The following PLD5 variants were observed in gnomAD, a reference collection of about 807,000 sequenced individuals.
PLD5 encodes the protein phospholipase D family member 5.
Under a neutral mutation model 61.1 loss-of-function variants are expected in PLD5, and 36 were observed. The ratio of observed to expected loss-of-function variants is 0.59; its 90% CI spans 0.45 to 0.78. The LOEUF is 0.78. Among genes scored for constraint, PLD5 ranks in the 30% least tolerant of loss-of-function variants. The pLI is 0.00. For missense variants in PLD5, 515 were observed against 644.4 expected, an observed-to-expected ratio of 0.80 and a Z score of 2.17; for synonymous variants, 243 against 242.8, an observed-to-expected ratio of 1.00 and a Z score of -0.01.
chr1:242,470,738 C>T (rs1178371118), intron 1 of PLD5, among the ~76,000 whole-genome samples: 1 of 152,132 alleles, frequency 6.6e-6, no homozygotes, highest in East Asian at 1.9e-4. Context: ...AACTAGATGG[C>T]ATTCTTCTAC....
chr1:242,497,089 C>T (rs1668395424), intron 1 of PLD5, among the ~76,000 whole-genome samples: 1 of 152,196 alleles, frequency 6.6e-6, no homozygotes, highest in African/African-American at 2.4e-5. Flanking sequence ...CTGCCTACGT[C>T]TTAACTTTCA....
chr1:242,100,565 TCC>T, intron 9 of PLD5, 101 bp downstream of exon 9: 1 of 791,338 alleles, frequency 1.3e-6, no homozygotes, highest in Non-Finnish European at 2.2e-6. Context: ...CAGCAGTGGT[TCC>T]CAAGGCCTTG....
intron 1 of PLD5, among the ~76,000 whole-genome samples, chr1:242,472,632 G>A (rs1257124535): frequency 6.6e-6 from 1 of 152,198 alleles, no homozygotes; most frequent in Non-Finnish European, 1.5e-5. Context: ...GGTGTAGTCT[G>A]TTAAATGCAG....
chr1:242,330,552 C>T (rs558669884), intron 2 of PLD5, among the ~76,000 whole-genome samples: 4 of 152,312 alleles, frequency 2.6e-5, no homozygotes, highest in Admixed American at 2.6e-4. Context: ...TTTCTTAACT[C>T]ACTGATCTCT....
intron 2 of PLD5, among the ~76,000 whole-genome samples, chr1:242,313,255 C>G (rs1192615132): frequency 6.6e-6 from 1 of 152,186 alleles, no homozygotes; most frequent in Non-Finnish European, 1.5e-5. Flanking sequence ...ACAAACTTTT[C>G]CTTCCCCAAC....
chr1:242,166,391 C>T (rs1666304380), intron 5 of PLD5, among the ~76,000 whole-genome samples: 2 of 152,212 alleles, frequency 1.3e-5, no homozygotes, highest in Non-Finnish European at 2.9e-5. Context: ...GGTGGCTAGC[C>T]ACTCTGGTGC....
intron 2 of PLD5, among the ~76,000 whole-genome samples, chr1:242,322,992 GTCTC>G (rs748263586): frequency 2.0e-5 from 3 of 152,098 alleles, no homozygotes; most frequent in East Asian, 3.9e-4. Context: ...AGGGCAGACA[GTCTC>G]TCTCTCCCAC....
At chr1:242,233,803 C>G in intron 4 of PLD5, among the ~76,000 whole-genome samples, 1 of 152,064 alleles carries the variant, frequency 6.6e-6, no homozygotes. Context: ...CTGTGTGTGT[C>G]CCTCTCTGTC....
intron 5 of PLD5, among the ~76,000 whole-genome samples, chr1:242,214,511 A>G (rs1381263357): frequency 6.6e-6 from 1 of 152,092 alleles, no homozygotes; most frequent in African/African-American, 2.4e-5. Flanking sequence ...TGCCTGGCCC[A>G]TTGGCTTATG....
chr1:242,177,968 C>G (rs1667276297), intron 5 of PLD5: 1 of 152,220 alleles, frequency 6.6e-6, no homozygotes, highest in African/African-American at 2.4e-5. Flanking sequence ...AATTACTGGT[C>G]TTTTACCATT....
chr1:242,099,805 T>G (rs1245903332), intron 9 of PLD5, among the ~76,000 whole-genome samples: 5 of 152,246 alleles, frequency 3.3e-5, no homozygotes, highest in Admixed American at 1.3e-4. Flanking sequence ...TATTTCTATA[T>G]TCCATGAACA....
intron 5 of PLD5, among the ~76,000 whole-genome samples, chr1:242,198,935 T>C (rs965076821): frequency 6.6e-6 from 1 of 151,880 alleles, no homozygotes. Flanking sequence ...GGTTTCTCCA[T>C]GTTGGTCAGG....
At position 242,113,971 on chromosome 1, in the gene PLD5, T is replaced by A; in HGVS notation, c.989A>T (p.Tyr330Phe). The change falls in exon 7 of 10, where the codon TAC (tyrosine) becomes TTC (phenylalanine). Residue 330 changes from tyrosine (Y) to phenylalanine (F), a missense_variant. By Grantham distance (22) the Tyr-to-Phe change is conservative. Around this residue, in one of 2 missense-constraint regions of PLD5, gnomAD observed 450 missense variants for 598.1 expected, o/e 0.75. Transcript: ENST00000536534. ...CTGCTTGGCATCATCTATCACACTGTAGATGGCATCTATGTCAAAACTTCT... is the reference window on the plus strand; with the variant it reads ...CTGCTTGGCATCATCTATCACACTGAAGATGGCATCTATGTCAAAACTTCT... Reference protein sequence around the residue: ...KNRSFDIDAIYSVIDDAKQYV... With the variant: ...KNRSFDIDAIFSVIDDAKQYV... The A allele has an allele frequency of 1.2e-6, 2 of 1,614,130 alleles. No individual in the cohort carries two copies. Among genetic ancestry groups the A allele is most frequent in the Non-Finnish European group, 1.7e-6 (2 of 1,179,976 alleles).
At chr1:242,469,823 G>C (rs996289201) in intron 1 of PLD5, among the ~76,000 whole-genome samples, 1 of 152,128 alleles carries the variant, frequency 6.6e-6, no homozygotes, top group African/African-American at 2.4e-5. Context: ...TGCACAATCA[G>C]AACAGACTGC....
chr1:242,326,594 C>T (rs1234425528), intron 2 of PLD5, among the ~76,000 whole-genome samples: 2 of 152,188 alleles, frequency 1.3e-5, no homozygotes, highest in African/African-American at 4.8e-5. Flanking sequence ...CTAAAAACTA[C>T]AGCCCAATCT....
chr1:242,406,499 G>T (rs867243229), intron 1 of PLD5, among the ~76,000 whole-genome samples: 5 of 152,300 alleles, frequency 3.3e-5, no homozygotes, highest in Middle Eastern at 6.8e-3. Flanking sequence ...GATCCCTAAA[G>T]GTTGATCCGT....
intron 3 of PLD5, among the ~76,000 whole-genome samples, chr1:242,274,992 G>A (rs554575762): frequency 1.1e-3 from 160 of 152,202 alleles, no homozygotes; most frequent in African/African-American, 3.7e-3. Flanking sequence ...CTATCCCAGA[G>A]AAACATAAGC....
At chr1:242,332,356 T>C (rs562334712) in intron 2 of PLD5, among the ~76,000 whole-genome samples, 1 of 152,296 alleles carries the variant, frequency 6.6e-6, no homozygotes, top group Admixed American at 6.5e-5. Flanking sequence ...TACATGGGCA[T>C]GTGTCTTCAT....
At chr1:242,243,480 T>C (rs1172666476) in intron 4 of PLD5, among the ~76,000 whole-genome samples, 1 of 152,248 alleles carries the variant, frequency 6.6e-6, no homozygotes, top group Non-Finnish European at 1.5e-5. Flanking sequence ...AGATATTTAC[T>C]ACCAGAGGAG....
Sources: allele counts gnomAD v4.1 joint callset (sites outside exome capture counted in the v4.1 genomes callset), GRCh38; gene constraint gnomAD v4.1.1; regional missense constraint gnomAD v4.1.1; transcripts MANE v1.5; gene names NCBI Gene and HGNC (gene_info 2026-07-23, HGNC 2026-07-21).